The following MOSMO variants were observed in gnomAD, a reference collection of about 807,000 sequenced individuals.
MOSMO encodes modulator of smoothened, also known as modulator of smoothened protein.
Under a neutral mutation model 18.4 loss-of-function variants are expected in MOSMO, and 5 were observed. That is an observed-to-expected ratio of 0.27 (90% CI 0.14 to 0.57). The LOEUF (loss-of-function observed/expected upper bound fraction) is 0.57, where lower values mean the gene tolerates loss of function less well. Ranked by LOEUF, MOSMO falls within the 20% of genes least tolerant of loss-of-function variation. The pLI, the probability that MOSMO is intolerant of heterozygous loss-of-function variation, is 0.92. For missense variants in MOSMO, 138 were observed against 211.8 expected (o/e 0.65, Z 2.16); for synonymous variants, 82 against 82.3 (o/e 1.00, Z 0.02).
chr16:22,046,529 C>G (rs1313278823), intron 1 of MOSMO, among the ~76,000 whole-genome samples: 6 of 151,952 alleles, frequency 3.9e-5, no homozygotes, highest in African/African-American at 1.5e-4. Flanking sequence ...CAGTATTGTG[C>G]CAGAAGCACT....
At chr16:22,038,823 T>A (rs1900157783) in intron 1 of MOSMO, among the ~76,000 whole-genome samples, 1 of 152,232 alleles carries the variant, frequency 6.6e-6, no homozygotes, top group African/African-American at 2.4e-5. Flanking sequence ...TATGTACTTT[T>A]ATCCAGCAGA....
At chr16:22,061,514 C>G (rs1057031268) in intron 1 of MOSMO, among the ~76,000 whole-genome samples, 3 of 152,156 alleles carry the variant, frequency 2.0e-5, no homozygotes, top group Non-Finnish European at 4.4e-5. Flanking sequence ...TTTTAACTTT[C>G]TGTGGATGTG....
downstream of MOSMO, chr16:22,085,164 G>T (rs1478807989): frequency 6.6e-6 from 1 of 152,228 alleles, no homozygotes; most frequent in South Asian, 2.1e-4. Context: ...CTCTGGGGGT[G>T]TCAAGATTAG....
intron 1 of MOSMO, among the ~76,000 whole-genome samples, chr16:22,041,170 G>A (rs1900203242): frequency 6.6e-6 from 1 of 152,180 alleles, no homozygotes; most frequent in Non-Finnish European, 1.5e-5. Flanking sequence ...ATTACAAAAG[G>A]TGTGAAGAAT....
intron 1 of MOSMO, among the ~76,000 whole-genome samples, chr16:22,029,721 G>C (rs1054886088): frequency 2.6e-5 from 4 of 152,090 alleles, no homozygotes; most frequent in African/African-American, 9.7e-5. Context: ...GACGCCCTAG[G>C]CTCAAGTGAT....
chr16:22,009,795 C>A, intron 1 of MOSMO, among the ~76,000 whole-genome samples: 2 of 62,348 alleles, frequency 3.2e-5, no homozygotes, highest in Non-Finnish European at 5.4e-5. Flanking sequence ...CCCGTCTCTA[C>A]TAAAAATACA....
rs915616422 is a variant in MOSMO, at chr16:22,024,015, A to ATATATATATATATATATATATATT, written c.106+15609_106+15610insATATATATATATATATATATATTT. Among the ~76,000 whole-genome samples the ATATATATATATATATATATATATT allele has an allele frequency of 3.7e-5, 5 of 136,362 alleles. No individual in the cohort carries two copies. In the South Asian group the frequency reaches 9.6e-4, roughly 26 times the overall value. The allele number at this position is 136,362 out of a possible 152,430, so 89.5% of individuals were successfully genotyped here. ...GTACAAATTATATATATATATATAT[A>ATATATATATATATATATATATATT]TTTTCTTAAGAAACTTAGTTTATCC... On this transcript the variant is annotated intron_variant, in intron 1 of 2. Transcript: ENST00000542527.
At position 22,062,282 on chromosome 16, in the gene MOSMO, A is replaced by C. The variant is rs570898158; in HGVS notation, c.107-13205A>C. Among the ~76,000 whole-genome samples the C allele has an allele frequency of 2.1e-4, 32 of 152,092 alleles. No homozygotes were observed. The East Asian group carries it at 4.0e-3, about 19-fold the overall frequency. ...AATATATAAAAAAGAGAAAGATAGA[A>C]TCCCAAACTATGTTTCTCTTATTTC... On this transcript the variant is annotated intron_variant, in intron 1 of 2. Transcript: ENST00000542527.
chr16:22,028,514 C>G (rs539219623), intron 1 of MOSMO, among the ~76,000 whole-genome samples: 5 of 152,102 alleles, frequency 3.3e-5, no homozygotes, highest in Admixed American at 1.3e-4. Flanking sequence ...TTTCATCTTG[C>G]AAAACCAAAA....
At chr16:22,079,298 T>C (rs1009110557) in intron 2 of MOSMO, among the ~76,000 whole-genome samples, 1 of 152,200 alleles carries the variant, frequency 6.6e-6, no homozygotes, top group Non-Finnish European at 1.5e-5. Flanking sequence ...GTCCAACTCT[T>C]CATGTACAGT....
chr16:22,008,486 G>A lies in MOSMO; in HGVS notation c.106+79G>A. 6 of 920,724 alleles carry A rather than the reference G, an allele frequency of 6.5e-6. No homozygotes were observed. The South Asian group carries it at 1.1e-4, about 17-fold the overall frequency. The allele number at this position is 920,724 out of a possible 1,614,324, so 57.0% of individuals were successfully genotyped here. On this transcript the variant is annotated intron_variant, in intron 1 of 2. Coordinates refer to ENST00000542527, the MANE Select transcript of MOSMO (RefSeq NM_001164579.2). Reference sequence around the variant, plus strand: ...AGAGGGGAGACCCGGACTGAGGAGAGGACGGGGTGGAGGGTCCCGGCCGGA... The same window carrying A: ...AGAGGGGAGACCCGGACTGAGGAGAAGACGGGGTGGAGGGTCCCGGCCGGA...
chr16:22,079,863 A>G (rs1470913274), intron 2 of MOSMO, among the ~76,000 whole-genome samples: 2 of 152,172 alleles, frequency 1.3e-5, no homozygotes, highest in African/African-American at 2.4e-5. Context: ...GGCTCACTAC[A>G]ACCTCCACCA....
intron 1 of MOSMO, among the ~76,000 whole-genome samples, chr16:22,039,039 T>C (rs903948580): frequency 2.0e-5 from 3 of 152,226 alleles, no homozygotes; most frequent in African/African-American, 7.2e-5. Context: ...TTCAGTTTCC[T>C]AATAATCATA....
At chr16:22,018,830 T>C (rs1210399537) in intron 1 of MOSMO, among the ~76,000 whole-genome samples, 4 of 152,116 alleles carry the variant, frequency 2.6e-5, no homozygotes, top group Non-Finnish European at 5.9e-5. Flanking sequence ...TAAGGAAGAC[T>C]TGGGTGGTTC....
At chr16:22,031,237 C>G (rs1216076249) in intron 1 of MOSMO, among the ~76,000 whole-genome samples, 1 of 152,106 alleles carries the variant, frequency 6.6e-6, no homozygotes, top group Non-Finnish European at 1.5e-5. Flanking sequence ...TGTAGGGGTC[C>G]TGGAAGCTCA....
intron 1 of MOSMO, among the ~76,000 whole-genome samples, chr16:22,033,277 CT>C (rs754008687): frequency 2.6e-5 from 4 of 152,176 alleles, no homozygotes; most frequent in Non-Finnish European, 4.4e-5. Context: ...TGTAGATCAA[CT>C]TGGAAGTATC....
At chr16:22,074,624 A>C (rs909044047) in intron 1 of MOSMO, among the ~76,000 whole-genome samples, 1 of 152,170 alleles carries the variant, frequency 6.6e-6, no homozygotes, top group African/African-American at 2.4e-5. Flanking sequence ...TTCTAATCTA[A>C]GTTTTTATAA....
intron 1 of MOSMO, among the ~76,000 whole-genome samples, chr16:22,067,233 TTATCAGG>T (rs1236860117): frequency 2.0e-5 from 3 of 152,054 alleles, no homozygotes; most frequent in Admixed American, 6.5e-5. Flanking sequence ...ATGTGGGACA[TTATCAGG>T]TATATCAACA....
At chr16:22,064,131 T>C (rs971126504) in intron 1 of MOSMO, among the ~76,000 whole-genome samples, 1 of 152,240 alleles carries the variant, frequency 6.6e-6, no homozygotes, top group African/African-American at 2.4e-5. Flanking sequence ...TGACTGCTTT[T>C]GGCCAGGAGC....
Sources: allele counts gnomAD v4.1 joint callset (sites outside exome capture counted in the v4.1 genomes callset), GRCh38; gene constraint gnomAD v4.1.1; transcripts MANE v1.5; gene names NCBI Gene and HGNC (gene_info 2026-07-23, HGNC 2026-07-21).